Variants in ABI3BP observed in about 807,000 individuals in gnomAD.
ABI3BP encodes ABI family member 3 binding protein.
A neutral mutation model predicts 268.6 loss-of-function variants in ABI3BP; 216 were observed. The ratio of observed to expected loss-of-function variants is 0.80; its 90% CI spans 0.72 to 0.90. ABI3BP has a LOEUF of 0.90. ABI3BP is among the 40% of genes least tolerant of loss of function. The probability of loss-of-function intolerance (pLI) is 0.00; values close to 1 mark genes in which losing one functional copy is unlikely to be tolerated. For synonymous variants in ABI3BP, 730 were observed against 730.0 expected (o/e 1.00, Z 0.00); for missense variants, 2,090 against 2,182.4 (o/e 0.96, Z 0.84).
rs2041943038 is a variant in ABI3BP, at chr3:100,886,279, C to A, written c.506G>T (p.Trp169Leu). 2 of 1,607,236 alleles carry A rather than the reference C, an allele frequency of 1.2e-6. No individual in the cohort carries two copies. The highest frequency in any genetic ancestry group is 1.7e-6 in the Non-Finnish European group (2 of 1,176,434). Reference protein sequence around the residue: ...RYREKDKEKKWIFQICPATET... With the variant: ...RYREKDKEKKLIFQICPATET... Reference sequence around the variant, plus strand: ...AGTGGCTGGACAGATTTGAAAAATCCACTTCTTTTCTTTATCCTTTTCTCG... The same window carrying A: ...AGTGGCTGGACAGATTTGAAAAATCAACTTCTTTTCTTTATCCTTTTCTCG... Residue 169 changes from tryptophan to leucine, a missense_variant, in exon 5 of 68, where the codon TGG (tryptophan) becomes TTG (leucine). Trp to Leu is a moderately conservative substitution (Grantham distance 61). Coordinates refer to ENST00000471714, the MANE Select transcript of ABI3BP (RefSeq NM_001375547.2).
intron 57 of ABI3BP, among the ~76,000 whole-genome samples, chr3:100,781,527 G>GTGTC (rs1483698278): frequency 1.3e-5 from 2 of 152,122 alleles, no homozygotes; most frequent in Non-Finnish European, 2.9e-5. Context: ...TCTTCCTCCT[G>GTGTC]TGTCTCACTG....
intron 57 of ABI3BP, among the ~76,000 whole-genome samples, chr3:100,787,325 T>C (rs1259527515): frequency 6.6e-6 from 1 of 152,170 alleles, no homozygotes. Flanking sequence ...CAGATGCAGT[T>C]ATTCAAAAAA....
At chr3:100,825,481 C>T (rs2098362677) in intron 35 of ABI3BP, among the ~76,000 whole-genome samples, 2 of 151,914 alleles carry the variant, frequency 1.3e-5, no homozygotes, top group African/African-American at 4.8e-5. Flanking sequence ...TTGTTTTAAA[C>T]TCAATGTTAA....
intron 51 of ABI3BP, among the ~76,000 whole-genome samples, chr3:100,799,586 A>C (rs1344913856): frequency 6.6e-6 from 1 of 152,098 alleles, no homozygotes; most frequent in Non-Finnish European, 1.5e-5. Flanking sequence ...ACCCCTCTCC[A>C]TCTCATTGCC....
intron 63 of ABI3BP, among the ~76,000 whole-genome samples, chr3:100,756,167 C>G (rs1261436138): frequency 6.6e-6 from 1 of 152,156 alleles, no homozygotes; most frequent in Admixed American, 6.5e-5. Flanking sequence ...AAATCTTATC[C>G]TAATTTTCAG....
intron 12 of ABI3BP, 28 bp from the exon 13 acceptor site, chr3:100,862,937 C>T (rs1053352693): frequency 4.8e-5 from 71 of 1,484,676 alleles, no homozygotes; most frequent in Non-Finnish European, 6.0e-5. Flanking sequence ...AAGAAAGTTA[C>T]GACCTGAGGT....
chr3:100,838,157 C>T (rs1207332224), intron 26 of ABI3BP, 53 bp downstream of exon 26: 2 of 1,454,986 alleles, frequency 1.4e-6, no homozygotes, highest in African/African-American at 2.8e-5. Context: ...ACATTTTCAG[C>T]AATGTTTCCA....
chr3:100,977,598 C>G (rs188678689), intron 1 of ABI3BP, among the ~76,000 whole-genome samples: 2 of 152,336 alleles, frequency 1.3e-5, no homozygotes, highest in African/African-American at 4.8e-5. Context: ...AGCTGGTTTT[C>G]TCCAGATTGG....
intron 2 of ABI3BP, among the ~76,000 whole-genome samples, chr3:100,922,559 C>CGATGGCGATGGCGATGGT (rs2060597008): frequency 1.7e-5 from 1 of 60,574 alleles, no homozygotes; most frequent in African/African-American, 4.4e-5. Flanking sequence ...ATGGTGATGG[C>CGATGGCGATGGCGATGGT]GATGGCGATG....
At chr3:100,953,282 G>A (rs1214478229) in intron 1 of ABI3BP, among the ~76,000 whole-genome samples, 1 of 152,030 alleles carries the variant, frequency 6.6e-6, no homozygotes, top group Non-Finnish European at 1.5e-5. Context: ...ATACTACTTT[G>A]TTACATTATC....
intron 2 of ABI3BP, among the ~76,000 whole-genome samples, chr3:100,926,061 T>A (rs143397585): frequency 1.3e-5 from 2 of 152,280 alleles, no homozygotes; most frequent in East Asian, 1.9e-4. Flanking sequence ...TTTGTCCTTA[T>A]GAATTCTTGA....
chr3:100,788,726 C>T (rs2097120545), intron 56 of ABI3BP, among the ~76,000 whole-genome samples: 1 of 151,864 alleles, frequency 6.6e-6, no homozygotes, highest in Non-Finnish European at 1.5e-5. Context: ...CTACATAAAC[C>T]AAATAATATA....
intron 40 of ABI3BP, among the ~76,000 whole-genome samples, chr3:100,818,911 C>T (rs939084815): frequency 1.3e-5 from 2 of 152,170 alleles, no homozygotes; most frequent in African/African-American, 4.8e-5. Context: ...GTCCTAGTAA[C>T]TGTTGGCATG....
At chr3:100,827,628 T>C (rs2098412330) in intron 34 of ABI3BP, among the ~76,000 whole-genome samples, 1 of 152,158 alleles carries the variant, frequency 6.6e-6, no homozygotes, top group Non-Finnish European at 1.5e-5. Context: ...CTTCAGAAAA[T>C]ATATCTTTCT....
At chr3:100,914,340 G>T (rs2057841603) in intron 2 of ABI3BP, 1 of 400,938 alleles carries the variant, frequency 2.5e-6, no homozygotes, top group Admixed American at 2.8e-5. Context: ...ATGGCTTGGA[G>T]AATTCTGGCT....
chr3:100,839,825 TACTTTAATAATTCACTTAATGGGCC>T (rs1422909205), intron 23 of ABI3BP, among the ~76,000 whole-genome samples: 1 of 152,212 alleles, frequency 6.6e-6, no homozygotes, highest in Admixed American at 6.5e-5. Context: ...CAAGGTGCTT[TACTTTAATAATTCACTTAATGGGCC>T]AGCTTTCTGC....
At chr3:100,987,473 T>C (rs1181907904) in intron 1 of ABI3BP, among the ~76,000 whole-genome samples, 2 of 152,200 alleles carry the variant, frequency 1.3e-5, no homozygotes, top group African/African-American at 4.8e-5. Flanking sequence ...GAATGTATAA[T>C]TAACACAAGA....
chr3:100,817,211 A>G (rs914380134), intron 42 of ABI3BP, among the ~76,000 whole-genome samples: 11 of 152,232 alleles, frequency 7.2e-5, no homozygotes, highest in Admixed American at 2.6e-4. Flanking sequence ...ATAAGATTAC[A>G]TGGTAGACTC....
chr3:100,847,139 C>G (rs2152993566), intron 19 of ABI3BP, among the ~76,000 whole-genome samples: 1 of 152,114 alleles, frequency 6.6e-6, no homozygotes, highest in East Asian at 1.9e-4. Flanking sequence ...TACCTAAACA[C>G]ATTTTAATAA....
Sources: gnomAD v4.1 joint callset for allele counts (sites outside exome capture counted in the v4.1 genomes callset) on GRCh38, gnomAD v4.1.1 for gene constraint, MANE v1.5 for transcripts, NCBI Gene and HGNC (gene_info 2026-07-23, HGNC 2026-07-21) for gene names.